The following ARHGEF9 variants were observed in gnomAD, a reference collection of about 807,000 sequenced individuals.
The protein encoded by ARHGEF9 is Cdc42 guanine nucleotide exchange factor 9.
In ARHGEF9, 2 loss-of-function variants were observed where a neutral mutation model predicts 41.3. The observed-to-expected ratio is 0.05, with a 90% CI of 0.02 to 0.15. The LOEUF (loss-of-function observed/expected upper bound fraction) is 0.15. ARHGEF9 is among the 10% of genes least tolerant of loss of function. The pLI, the probability that ARHGEF9 is intolerant of heterozygous loss-of-function variation, is 1.00. For synonymous variants in ARHGEF9, 160 were observed against 154.4 expected (o/e 1.04, Z -0.27); for missense variants, 225 against 424.7 (o/e 0.53, Z 4.13).
intron 4 of ARHGEF9, among the ~76,000 whole-genome samples, chrX:63,690,717 T>C (rs148805843): frequency 1.1e-4 from 12 of 111,361 alleles, no homozygotes; most frequent in African/African-American, 2.6e-4. Flanking sequence ...CTGGCAAACA[T>C]AGATGCAAAA....
At chrX:63,684,097 A>AAT (rs2050826495) in intron 4 of ARHGEF9, among the ~76,000 whole-genome samples, 2 of 110,766 alleles carry the variant, frequency 1.8e-5, no homozygotes, top group African/African-American at 6.5e-5. Context: ...TAAAGTGGTT[A>AAT]ATATATATAA....
intron 1 of ARHGEF9, among the ~76,000 whole-genome samples, chrX:63,762,802 C>T (rs1428964144): frequency 9.0e-6 from 1 of 111,588 alleles, no homozygotes; most frequent in Non-Finnish European, 1.9e-5. Flanking sequence ...TCCTTAACTT[C>T]GTCTGCCTCT....
Position 63,674,018 on chromosome X carries a change from C to G in ARHGEF9, c.945+20G>C. On this transcript the variant is annotated intron_variant, in intron 6 of 9. Transcript: ENST00000671741. ...CAAGCTATTCAGATTTCCCAATACC[C>G]TGGTTGGTAAGTTTCCTACCTCCCA... The G allele has an allele frequency of 7.4e-6, 9 of 1,210,476 alleles. No homozygotes were observed. Among genetic ancestry groups the G allele is most frequent in the African/African-American group, 1.7e-5 (1 of 57,744 alleles).
At chrX:63,690,005 A>G (rs1556379773) in intron 4 of ARHGEF9, among the ~76,000 whole-genome samples, 1 of 111,967 alleles carries the variant, frequency 8.9e-6, no homozygotes, top group African/African-American at 3.2e-5. Flanking sequence ...CAGTACAAAG[A>G]GGAAAATTTA....
At chrX:63,766,425 A>G (rs1211597522) in intron 1 of ARHGEF9, among the ~76,000 whole-genome samples, 1 of 111,903 alleles carries the variant, frequency 8.9e-6, no homozygotes, top group Non-Finnish European at 1.9e-5. Context: ...GTTCAGTGGC[A>G]TCTTACCTGG....
chrX:63,699,007 A>G (rs1415640595), intron 3 of ARHGEF9, among the ~76,000 whole-genome samples: 1 of 111,529 alleles, frequency 9.0e-6, no homozygotes, highest in Non-Finnish European at 1.9e-5. Context: ...AATGGCAATA[A>G]ACTCCTGTAG....
intron 1 of ARHGEF9, among the ~76,000 whole-genome samples, chrX:63,781,322 T>G (rs1308818675): frequency 1.1e-4 from 12 of 111,876 alleles, no homozygotes; most frequent in African/African-American, 3.9e-4. Context: ...AACACTGAAG[T>G]GCTAATAATA....
chrX:63,721,898 C>T (rs1157557148), intron 2 of ARHGEF9, among the ~76,000 whole-genome samples: 1 of 111,753 alleles, frequency 8.9e-6, no homozygotes, highest in African/African-American at 3.3e-5. Flanking sequence ...CACACATATA[C>T]ACACACATAA....
rs140730088 is a variant in ARHGEF9 at position 63,768,070 on chromosome X, T to A, written c.30+17046A>T. ...GTATAGTGGTGAAGTCAGATTTTAG[T>A]GCACCAGCCACCCAAGTATTGTACA... is the stretch of plus-strand genomic sequence containing the variant. On this transcript the variant is annotated intron_variant, in intron 1 of 9. Transcript: ENST00000671741. Among the ~76,000 whole-genome samples, 6 of 112,203 alleles carry A rather than the reference T, an allele frequency of 5.3e-5. No individual in the cohort carries two copies. In the East Asian group the frequency reaches 1.7e-3, roughly 31 times the overall value.
chrX:63,644,871 T>A (rs184599326), intron 8 of ARHGEF9, among the ~76,000 whole-genome samples: 103 of 108,735 alleles, frequency 9.5e-4, no homozygotes, highest in African/African-American at 3.2e-3. Context: ...GCTTAAGCAA[T>A]CCTCCAACCT....
intron 5 of ARHGEF9, among the ~76,000 whole-genome samples, chrX:63,675,586 T>G (rs1262371427): frequency 1.8e-5 from 2 of 112,066 alleles, no homozygotes; most frequent in African/African-American, 6.5e-5. Context: ...CAATCATCCA[T>G]GTAAACTATT....
Position 63,638,494 on chromosome X carries a change from G to T in ARHGEF9, c.1391-285C>A, listed in dbSNP as rs191486274. 3.7e-5 allele frequency: 15 copies of T among 401,543 alleles called. 1 individual carries two copies. The highest frequency in any genetic ancestry group is 2.5e-4 in the African/African-American group (10 of 40,179). 33.1% of individuals were successfully genotyped at this position (401,543 alleles called of 1,213,427 possible). A position where few individuals can be genotyped will look rare whatever the true frequency, so the allele number is the denominator to read the frequency against. On this transcript the variant is annotated intron_variant, in intron 9 of 9. Coordinates refer to ENST00000671741, the MANE Select transcript of ARHGEF9 (RefSeq NM_001353921.2). ...AGGTGAGAACACTGATATCTGAAAA[G>T]AAATGTTATACCCAAGGTCACATGG...
chrX:63,644,134 G>T, intron 8 of ARHGEF9, 86 bp from the exon 9 acceptor site: 9 of 554,560 alleles, frequency 1.6e-5, no homozygotes, highest in Non-Finnish European at 1.8e-5. Context: ...CTGTAAGAAA[G>T]ATTTGCTAAG....
At chrX:63,650,753 T>A (rs1187818050) in intron 8 of ARHGEF9, among the ~76,000 whole-genome samples, 1 of 110,739 alleles carries the variant, frequency 9.0e-6, no homozygotes, top group Non-Finnish European at 1.9e-5. Context: ...AAATATCACA[T>A]GTACCTTAAA....
chrX:63,670,893 C>A (rs186571738), intron 6 of ARHGEF9, among the ~76,000 whole-genome samples: 26 of 111,696 alleles, frequency 2.3e-4, no homozygotes, highest in African/African-American at 7.8e-4. Context: ...GCAAAGAGAC[C>A]AAGAATGTTC....
chrX:63,648,913 T>C (rs1214235429), intron 8 of ARHGEF9, among the ~76,000 whole-genome samples: 1 of 111,600 alleles, frequency 9.0e-6, no homozygotes, highest in Non-Finnish European at 1.9e-5. Flanking sequence ...CTCCTAAATA[T>C]ATATGCACCC....
intron 1 of ARHGEF9, among the ~76,000 whole-genome samples, chrX:63,739,264 G>A (rs1302811480): frequency 2.7e-5 from 3 of 111,071 alleles, no homozygotes; most frequent in Non-Finnish European, 5.7e-5. Flanking sequence ...GGCTTAAACC[G>A]GCAGAAGGAT....
chrX:63,740,620 C>T (rs372923118), intron 1 of ARHGEF9, among the ~76,000 whole-genome samples: 1 of 111,731 alleles, frequency 9.0e-6, no homozygotes, highest in East Asian at 2.8e-4. Context: ...ACCTCAAAGC[C>T]AAAGCTGAGA....
chrX:63,679,998 C>A lies in ARHGEF9; in HGVS notation c.583-1426G>T, dbSNP rs868964790. On this transcript the variant is annotated intron_variant, in intron 4 of 9. Coordinates refer to ENST00000671741, the MANE Select transcript of ARHGEF9 (RefSeq NM_001353921.2). ...TAGTGAATTTGGTTATGTGTCAGGA[C>A]ACAAAGTCAATGTACAAAAATCAAC... Among the ~76,000 whole-genome samples the A allele has an allele frequency of 4.5e-5, 5 of 112,136 alleles. No individual in the cohort carries two copies. The South Asian group carries it at 1.1e-3, about 25-fold the overall frequency.
Sources: gnomAD v4.1 joint callset for allele counts (sites outside exome capture counted in the v4.1 genomes callset) on GRCh38, gnomAD v4.1.1 for gene constraint, MANE v1.5 for transcripts, NCBI Gene and HGNC (gene_info 2026-07-23, HGNC 2026-07-21) for gene names.